Variants in MSI2 observed in about 807,000 individuals in gnomAD.
MSI2 encodes the protein musashi RNA binding protein 2.
MSI2 carries 17 observed loss-of-function variants against 45.6 expected under a neutral mutation model. The ratio of observed to expected loss-of-function variants is 0.37; its 90% CI spans 0.26 to 0.56. The LOEUF is 0.56. Ranked by LOEUF, MSI2 falls within the 20% of genes least tolerant of loss-of-function variation. The probability of loss-of-function intolerance (pLI) is 0.77; values close to 1 mark genes in which losing one functional copy is unlikely to be tolerated. For synonymous variants in MSI2, 156 were observed against 158.2 expected (o/e 0.99, Z 0.11); for missense variants, 293 against 444.2 (o/e 0.66, Z 3.06).
chr17:57,342,530 CT>C (rs375033891), intron 5 of MSI2, among the ~76,000 whole-genome samples: 180 of 152,310 alleles, frequency 1.2e-3, no homozygotes, highest in African/African-American at 4.2e-3. Flanking sequence ...AGAGGAAAGT[CT>C]AAATCTGGAC....
intron 7 of MSI2, among the ~76,000 whole-genome samples, chr17:57,590,749 C>T (rs891131903): frequency 7.9e-5 from 12 of 152,116 alleles, no homozygotes; most frequent in South Asian, 4.1e-4. Flanking sequence ...TTAGGAGAGG[C>T]GGGGCAGGTG....
At chr17:57,553,074 G>A (rs1332815071) in intron 7 of MSI2, among the ~76,000 whole-genome samples, 4 of 152,146 alleles carry the variant, frequency 2.6e-5, no homozygotes, top group African/African-American at 9.7e-5. Context: ...GAGACGCCTG[G>A]CCTATTCAAA....
intron 6 of MSI2, among the ~76,000 whole-genome samples, chr17:57,401,866 T>G (rs1399567087): frequency 6.6e-6 from 1 of 152,116 alleles, no homozygotes; most frequent in Non-Finnish European, 1.5e-5. Flanking sequence ...TGTGCCTGTT[T>G]GGAAAATGCA....
At position 57,437,708 on chromosome 17, in the gene MSI2, A is replaced by T. The variant is rs113311637; in HGVS notation, c.405+36237A>T. On this transcript the variant is annotated intron_variant, in intron 6 of 13. Coordinates refer to ENST00000284073, the MANE Select transcript of MSI2 (RefSeq NM_138962.4). ...TGAGAAAAGGTAAACAGAGAACCCT[A>T]CAAGTTCATGTATTCTATGCCCTGC... 9.1e-4 allele frequency among the ~76,000 whole-genome samples: 139 copies of T among 152,356 alleles called. 1 individual carries two copies. Among genetic ancestry groups the T allele is most frequent in the African/African-American group, 3.2e-3 (133 of 41,590 alleles).
intron 7 of MSI2, among the ~76,000 whole-genome samples, chr17:57,587,012 C>A (rs2088366549): frequency 6.6e-6 from 1 of 152,132 alleles, no homozygotes; most frequent in South Asian, 2.1e-4. Flanking sequence ...ATCAGAATTA[C>A]CAGAGACCTG....
intron 1 of MSI2, 111 bp from the exon 2 acceptor site, chr17:57,256,987 C>CG: frequency 6.3e-7 from 1 of 1,581,126 alleles, no homozygotes; most frequent in Non-Finnish European, 8.6e-7. Context: ...CCCCACCTCC[C>CG]GGCTCTCGCT....
Position 57,577,446 on chromosome 17 carries a change from C to A in MSI2, c.455-19422C>A, listed in dbSNP as rs572906339. Among the ~76,000 whole-genome samples, 150 of 152,302 alleles carry A rather than the reference C, an allele frequency of 9.8e-4. 1 individual carries two copies. Among genetic ancestry groups the A allele is most frequent in the African/African-American group, 3.3e-3 (138 of 41,554 alleles). On this transcript the variant is annotated intron_variant, in intron 7 of 13. Transcript: ENST00000284073. The stretch of plus-strand genomic sequence containing the variant: ...CCATTTCCAGACCCATAGAGCCCAA[C>A]TGGTAATATTTCAGGAGGATTCTGT...
At chr17:57,264,637 A>G (rs1907613193) in intron 5 of MSI2, 1 of 152,240 alleles carries the variant, frequency 6.6e-6, no homozygotes, top group South Asian at 2.1e-4. Context: ...TTATTAATCC[A>G]TTTAATTCTC....
intron 5 of MSI2, among the ~76,000 whole-genome samples, chr17:57,337,633 A>C (rs1914784805): frequency 6.6e-6 from 1 of 152,114 alleles, no homozygotes; most frequent in South Asian, 2.1e-4. Context: ...ACCACGGTCG[A>C]GTCCTTAGCT....
At chr17:57,576,646 T>C (rs570651574) in intron 7 of MSI2, among the ~76,000 whole-genome samples, 3 of 151,654 alleles carry the variant, frequency 2.0e-5, no homozygotes, top group Non-Finnish European at 2.9e-5. Flanking sequence ...CCCAGCTACT[T>C]GGGAGTCTGA....
In MSI2 at chr17:57,269,393, C is replaced by T. The variant is rs146337723; in HGVS notation, c.312+7201C>T. Among the ~76,000 whole-genome samples the T allele has an allele frequency of 2.0e-5, 3 of 152,282 alleles. No individual in the cohort carries two copies. In the East Asian group the frequency reaches 5.8e-4, roughly 29 times the overall value. Reference sequence around the variant, plus strand: ...TTCAGACCCATATAGAAGCTGGGGTCACTGATAGGACCATGGCGGATGCTG... The same window carrying T: ...TTCAGACCCATATAGAAGCTGGGGTTACTGATAGGACCATGGCGGATGCTG... On this transcript the variant is annotated intron_variant, in intron 5 of 13. Transcript: ENST00000284073.
At chr17:57,605,647 A>C (rs1464646070) in intron 8 of MSI2, among the ~76,000 whole-genome samples, 1 of 152,224 alleles carries the variant, frequency 6.6e-6, no homozygotes, top group Non-Finnish European at 1.5e-5. Context: ...GCAGCTGCAG[A>C]GACCAAGCCC....
intron 5 of MSI2, among the ~76,000 whole-genome samples, chr17:57,262,742 G>C (rs1018190216): frequency 2.0e-5 from 3 of 152,236 alleles, no homozygotes; most frequent in African/African-American, 7.2e-5. Context: ...ATTTGTGCAA[G>C]TGCTGGTGCC....
chr17:57,364,251 C>T (rs1598173072), intron 5 of MSI2, among the ~76,000 whole-genome samples: 1 of 152,162 alleles, frequency 6.6e-6, no homozygotes, highest in Non-Finnish European at 1.5e-5. Context: ...GAGACACAGT[C>T]CCTCCTGTGC....
At chr17:57,471,771 C>T (rs1478021827) in intron 6 of MSI2, among the ~76,000 whole-genome samples, 1 of 152,160 alleles carries the variant, frequency 6.6e-6, no homozygotes, top group African/African-American at 2.4e-5. Flanking sequence ...TTTCCTCCTC[C>T]AGACAAGTAC....
At chr17:57,493,084 A>C (rs112812207) in intron 6 of MSI2, among the ~76,000 whole-genome samples, 24 of 152,334 alleles carry the variant, frequency 1.6e-4, no homozygotes, top group Middle Eastern at 3.4e-3. Context: ...AGGAAATCCA[A>C]GGTGGCTGTC....
intron 7 of MSI2, among the ~76,000 whole-genome samples, chr17:57,585,615 C>G (rs1385005577): frequency 1.3e-5 from 2 of 152,244 alleles, no homozygotes; most frequent in East Asian, 3.8e-4. Context: ...GTGTTGCTCG[C>G]TGCATGGATG....
chr17:57,517,512 T>G (rs904028705), intron 6 of MSI2, among the ~76,000 whole-genome samples: 3 of 152,158 alleles, frequency 2.0e-5, no homozygotes, highest in Non-Finnish European at 4.4e-5. Context: ...CCTCCAAGCT[T>G]TTGAAGCTCC....
intron 6 of MSI2, among the ~76,000 whole-genome samples, chr17:57,512,028 C>G (rs1476121854): frequency 6.6e-6 from 1 of 152,184 alleles, no homozygotes; most frequent in East Asian, 1.9e-4. Flanking sequence ...TCTCCCCCAG[C>G]TAAGTTAGTG....
Sources: gnomAD v4.1 joint callset for allele counts (sites outside exome capture counted in the v4.1 genomes callset) on GRCh38, gnomAD v4.1.1 for gene constraint, MANE v1.5 for transcripts, NCBI Gene and HGNC (gene_info 2026-07-23, HGNC 2026-07-21) for gene names.